The following NDST3 variants were observed in gnomAD, a reference collection of about 807,000 sequenced individuals.
The protein encoded by NDST3 is bifunctional heparan sulfate N-deacetylase/N-sulfotransferase 3.
NDST3 carries 58 observed loss-of-function variants against 96.1 expected under a neutral mutation model. The observed-to-expected ratio is 0.60, with a 90% CI of 0.49 to 0.75. NDST3 has a LOEUF of 0.75. Ranked by LOEUF, NDST3 falls within the 30% of genes least tolerant of loss-of-function variation. The pLI, the probability that NDST3 is intolerant of heterozygous loss-of-function variation, is 0.00. For missense variants in NDST3, 788 were observed against 1,034.2 expected (o/e 0.76, Z 3.27); for synonymous variants, 333 against 359.7 (o/e 0.93, Z 0.84).
chr4:118,234,910 A>G (rs1278186333), intron 9 of NDST3, among the ~76,000 whole-genome samples: 2 of 151,996 alleles, frequency 1.3e-5, no homozygotes, highest in Non-Finnish European at 1.5e-5. Flanking sequence ...GGTGCCTGTA[A>G]TTCGAGCTAC....
At chr4:118,126,372 G>A (rs891464641) in intron 4 of NDST3, among the ~76,000 whole-genome samples, 1 of 151,810 alleles carries the variant, frequency 6.6e-6, no homozygotes, top group Non-Finnish European at 1.5e-5. Context: ...AACATGTGAT[G>A]TTTGTCTTTC....
chr4:118,097,240 A>G (rs993111684), intron 2 of NDST3, among the ~76,000 whole-genome samples: 1 of 151,872 alleles, frequency 6.6e-6, no homozygotes, highest in Non-Finnish European at 1.5e-5. Context: ...TAGGACCTCA[A>G]CTGAATTCAG....
chr4:118,159,690 G>A (rs1312821145), intron 6 of NDST3, among the ~76,000 whole-genome samples: 1 of 152,088 alleles, frequency 6.6e-6, no homozygotes, highest in African/African-American at 2.4e-5. Context: ...GATGAACAAA[G>A]TGAGAATTTC....
chr4:118,087,649 A>G (rs971194255), intron 2 of NDST3, among the ~76,000 whole-genome samples: 1 of 152,118 alleles, frequency 6.6e-6, no homozygotes, highest in Non-Finnish European at 1.5e-5. Context: ...CTTGACATGT[A>G]TGATTGGGCA....
chr4:118,173,526 A>G (rs1301856542), intron 6 of NDST3, among the ~76,000 whole-genome samples: 1 of 152,198 alleles, frequency 6.6e-6, no homozygotes, highest in Admixed American at 6.5e-5. Flanking sequence ...CTGACAAAAG[A>G]GTAAACCACC....
intron 6 of NDST3, among the ~76,000 whole-genome samples, chr4:118,153,268 A>G (rs1459108903): frequency 1.3e-5 from 2 of 152,166 alleles, no homozygotes; most frequent in Non-Finnish European, 2.9e-5. Flanking sequence ...GTATTGCTCC[A>G]TACCCACTTG....
chr4:118,246,570 C>G (rs544039996), intron 12 of NDST3, among the ~76,000 whole-genome samples: 4 of 151,980 alleles, frequency 2.6e-5, no homozygotes, highest in Non-Finnish European at 5.9e-5. Flanking sequence ...TGCGCCATTG[C>G]ACTCCAACCT....
At chr4:118,121,004 T>C (rs112311262) in intron 4 of NDST3, among the ~76,000 whole-genome samples, 1,557 of 152,336 alleles carry the variant, frequency 0.01, 26 homozygotes, top group African/African-American at 0.036. Flanking sequence ...CCTTCAAGTA[T>C]TTATTTTTAT....
chr4:118,161,677 A>C (rs1735150389), intron 6 of NDST3, among the ~76,000 whole-genome samples: 1 of 152,174 alleles, frequency 6.6e-6, no homozygotes, highest in South Asian at 2.1e-4. Flanking sequence ...CCTCCGAGCC[A>C]TGTGAGGGAT....
intron 10 of NDST3, among the ~76,000 whole-genome samples, chr4:118,238,614 T>A (rs1353460705): frequency 2.6e-5 from 4 of 152,262 alleles, no homozygotes; most frequent in Non-Finnish European, 5.9e-5. Flanking sequence ...CATGTGTTTA[T>A]CCGTTCATCA....
chr4:118,166,522 A>C (rs1245336327), intron 6 of NDST3, among the ~76,000 whole-genome samples: 3 of 151,998 alleles, frequency 2.0e-5, no homozygotes, highest in Non-Finnish European at 4.4e-5. Flanking sequence ...AAAACGGAAT[A>C]GAAGGGAACT....
intron 6 of NDST3, among the ~76,000 whole-genome samples, chr4:118,174,395 C>T (rs1736145175): frequency 6.6e-6 from 1 of 152,118 alleles, no homozygotes; most frequent in African/African-American, 2.4e-5. Flanking sequence ...CAAATGATCC[C>T]TACTTATATT....
chr4:118,105,149 C>A, intron 3 of NDST3, 44 bp downstream of exon 3: 2 of 1,460,356 alleles, frequency 1.4e-6, no homozygotes, highest in South Asian at 1.2e-5. Context: ...CTTCTCTGAT[C>A]ACTCTATTTA....
At chr4:118,099,549 G>A (rs1189714957) in intron 2 of NDST3, among the ~76,000 whole-genome samples, 1 of 152,210 alleles carries the variant, frequency 6.6e-6, no homozygotes, top group East Asian at 1.9e-4. Context: ...TGTTAATTAA[G>A]TTAGATAATG....
In NDST3 at chr4:118,227,947, T is replaced by C. The variant is rs376599829; in HGVS notation, c.1819+965T>C. Among the ~76,000 whole-genome samples the C allele has an allele frequency of 7.9e-5, 12 of 152,310 alleles. No individual in the cohort carries two copies. The East Asian group carries it at 2.3e-3, about 29-fold the overall frequency. ...TTGTTTCTAAGAATCAGTATTAAAA[T>C]GAAGCATCATGGAAGCTTTAAACTA... On this transcript the variant is annotated intron_variant, in intron 8 of 13. Coordinates refer to ENST00000296499, the MANE Select transcript of NDST3 (RefSeq NM_004784.3).
At chr4:118,091,853 A>G (rs551319290) in intron 2 of NDST3, among the ~76,000 whole-genome samples, 4 of 151,678 alleles carry the variant, frequency 2.6e-5, no homozygotes, top group Non-Finnish European at 4.4e-5. Context: ...AATCTCTACT[A>G]TGTTTTTTCT....
intron 6 of NDST3, among the ~76,000 whole-genome samples, chr4:118,162,447 G>A (rs4502667): frequency 0.65 from 97,947 of 150,900 alleles, 34,183 homozygotes; most frequent in Non-Finnish European, 0.76. Context: ...ATAATGCTGC[G>A]TATCTACAAC....
intron 2 of NDST3, among the ~76,000 whole-genome samples, chr4:118,056,631 T>C (rs1453966644): frequency 6.6e-6 from 1 of 151,984 alleles, no homozygotes; most frequent in Non-Finnish European, 1.5e-5. Flanking sequence ...ATTAAGCGTG[T>C]ACTACATGTG....
At chr4:118,129,569 T>C (rs1398137097) in intron 4 of NDST3, among the ~76,000 whole-genome samples, 1 of 152,126 alleles carries the variant, frequency 6.6e-6, no homozygotes, top group Non-Finnish European at 1.5e-5. Flanking sequence ...TTGTTTAGAT[T>C]TGTGTAAATG....
Sources: gnomAD v4.1 joint callset for allele counts (sites outside exome capture counted in the v4.1 genomes callset) on GRCh38, gnomAD v4.1.1 for gene constraint, MANE v1.5 for transcripts, NCBI Gene and HGNC (gene_info 2026-07-23, HGNC 2026-07-21) for gene names.